Variants in AVL9 observed in about 807,000 individuals in gnomAD.
The protein encoded by AVL9 is AVL9 cell migration associated.
In AVL9, 49 loss-of-function variants were observed where a neutral mutation model predicts 79.2. That is an observed-to-expected ratio of 0.62 (90% confidence interval 0.49 to 0.79). The LOEUF is 0.79. Ranked by LOEUF, AVL9 falls within the 30% of genes least tolerant of loss-of-function variation. AVL9 has a pLI of 0.00. For missense variants in AVL9, 682 were observed against 776.8 expected (o/e 0.88, Z 1.45); for synonymous variants, 299 against 280.6 (o/e 1.07, Z -0.65).
chr7:32,503,332 A>C (rs189028677), intron 1 of AVL9, among the ~76,000 whole-genome samples: 2,595 of 111,698 alleles, frequency 0.023, 54 homozygotes, highest in Non-Finnish European at 0.034. Flanking sequence ...ATATATATAT[A>C]TCTATATATA....
At chr7:32,574,017 T>C (rs907908985) in intron 12 of AVL9, among the ~76,000 whole-genome samples, 1 of 152,180 alleles carries the variant, frequency 6.6e-6, no homozygotes, top group African/African-American at 2.4e-5. Context: ...ATAGTGAAAA[T>C]GGAGCTCTGC....
intron 1 of AVL9, among the ~76,000 whole-genome samples, chr7:32,506,308 A>G (rs1441285229): frequency 1.3e-5 from 2 of 152,192 alleles, no homozygotes; most frequent in African/African-American, 4.8e-5. Context: ...TGCCAACATC[A>G]CTACTCTTGG....
At chr7:32,524,591 G>GATATAATTATATCTAAACTAGAT (rs374274914) in intron 1 of AVL9, among the ~76,000 whole-genome samples, 35,846 of 151,622 alleles carry the variant, frequency 0.24, 4,882 homozygotes, top group Admixed American at 0.34. Flanking sequence ...ATATCTAACT[G>GATATAATTATATCTAAACTAGAT]AGGGATGTTT....
intron 1 of AVL9, among the ~76,000 whole-genome samples, chr7:32,519,427 C>CAAA (rs60258831): frequency 1.6e-5 from 2 of 124,852 alleles, no homozygotes; most frequent in South Asian, 2.7e-4. Flanking sequence ...GACTCTGTCC[C>CAAA]AAAAAAAAAA....
intron 1 of AVL9, among the ~76,000 whole-genome samples, chr7:32,498,510 A>G (rs1018703010): frequency 6.6e-6 from 1 of 152,128 alleles, no homozygotes; most frequent in African/African-American, 2.4e-5. Context: ...TTGGCCTCCC[A>G]AAGTACTGGG....
chr7:32,498,279 T>A (rs1265282503), intron 1 of AVL9, among the ~76,000 whole-genome samples: 1 of 146,696 alleles, frequency 6.8e-6, no homozygotes, highest in Admixed American at 6.9e-5. Context: ...AGTCTTGTTC[T>A]GTCACCCAGG....
rs34422070 is a variant in AVL9, at chr7:32,586,472, C to CCCCACA, written c.*2566_*2567insCCACAC. 2.1e-5 allele frequency: 3 copies of CCCCACA among 143,066 alleles called. No individual in the cohort carries two copies. The highest frequency in any genetic ancestry group is 2.2e-4 in the South Asian group (1 of 4,548). 8.9% of individuals were successfully genotyped at this position (143,066 alleles called of 1,614,324 possible). A position where few individuals can be genotyped will look rare whatever the true frequency, so the allele number is the denominator to read the frequency against. On this transcript the variant is annotated 3_prime_UTR_variant, in exon 16 of 16. Coordinates refer to ENST00000318709, the MANE Select transcript of AVL9 (RefSeq NM_015060.3). The stretch of plus-strand genomic sequence containing the variant: ...CCCCTGGTCCTGTGACCCCCCCCCC[C>CCCCACA]CACACACACACATACTTCAGGCTTG...
Position 32,573,206 on chromosome 7 carries a change from A to C in AVL9, c.1358A>C (p.Glu453Ala), listed in dbSNP as rs371255356. 85 of 1,613,904 alleles carry C rather than the reference A, an allele frequency of 5.3e-5. No homozygotes were observed. The highest frequency in any genetic ancestry group is 1.6e-4 in the Middle Eastern group (1 of 6,062). Residue 453 changes from glutamate (E) to alanine (A), a missense_variant, in exon 12 of 16, where the codon GAA (glutamate) becomes GCA (alanine). Glu to Ala is a moderately radical substitution (Grantham distance 107, BLOSUM62 -1). Coordinates refer to ENST00000318709, the MANE Select transcript of AVL9 (RefSeq NM_015060.3). Reference sequence around the variant, plus strand: ...TACCTGGATACCCTCTAGGTAGAAGAAGCTCTGATCCAGATCCATGATCCA... The same window carrying C: ...TACCTGGATACCCTCTAGGTAGAAGCAGCTCTGATCCAGATCCATGATCCA... Reference protein sequence around the residue: ...HLSDAIVEVEEALIQIHDPEL... With the variant: ...HLSDAIVEVEAALIQIHDPEL...
chr7:32,576,305 G>A (rs528425463), intron 13 of AVL9, among the ~76,000 whole-genome samples: 9 of 152,226 alleles, frequency 5.9e-5, no homozygotes, highest in South Asian at 2.1e-4. Context: ...CCTGGCTCTC[G>A]ATGTGATTCA....
chr7:32,496,308 G>A (rs9655340), intron 1 of AVL9, among the ~76,000 whole-genome samples: 22,756 of 152,198 alleles, frequency 0.15, 1,720 homozygotes, highest in East Asian at 0.19. Flanking sequence ...TCTGATGGAA[G>A]CCTTGGAATC....
intron 1 of AVL9, among the ~76,000 whole-genome samples, chr7:32,524,644 C>G (rs1788324253): frequency 6.6e-6 from 1 of 151,110 alleles, no homozygotes; most frequent in Non-Finnish European, 1.5e-5. Context: ...TAAATCTGCT[C>G]TTTGAGAAAT....
rs1786767252 is a variant in AVL9 at position 32,495,743 on chromosome 7, C to T, written c.34C>T (p.Pro12Ser). Residue 12 changes from proline (P) to serine (S), a missense_variant, in exon 1 of 16, where the codon CCC becomes TCC. Pro to Ser is a moderately conservative substitution (Grantham distance 74). Transcript: ENST00000318709. ...GGCCAGGAGAGGCGGGGATGGCGTCCCCCGGGGGCCCGTACTGCACATCGT... is the reference window on the plus strand; with the variant it reads ...GGCCAGGAGAGGCGGGGATGGCGTCTCCCGGGGGCCCGTACTGCACATCGT... The part of the protein sequence containing the change: ...EKARRGGDGV[P>S]RGPVLHIVVV... The T allele has an allele frequency of 1.4e-5, 18 of 1,260,004 alleles. No individual in the cohort carries two copies. The highest frequency in any genetic ancestry group is 1.8e-5 in the Non-Finnish European group (18 of 992,440). 78.1% of individuals were successfully genotyped at this position (1,260,004 alleles called of 1,614,324 possible).
intron 3 of AVL9, among the ~76,000 whole-genome samples, chr7:32,545,345 C>A (rs6946390): frequency 7.9e-5 from 11 of 138,588 alleles, no homozygotes; most frequent in African/African-American, 2.4e-4. Context: ...ATAAGCTGTC[C>A]TATTTATCTC....
At position 32,573,298 on chromosome 7, in the gene AVL9, G is replaced by GTGACTGAGAATCGGGA; in HGVS notation, c.1455_1470dup (p.Val491Ter). 6.2e-7 allele frequency: 1 copy of GTGACTGAGAATCGGGA among 1,613,856 alleles called. No individual in the cohort carries two copies. Among genetic ancestry groups the GTGACTGAGAATCGGGA allele is most frequent in the East Asian group, 2.2e-5 (1 of 44,880 alleles). On this transcript the variant is annotated frameshift_variant, in exon 12 of 16. Transcript: ENST00000318709. LOFTEE classifies it high-confidence loss of function. ...GTTCGCAGACTACCTAGTGAGGCAC[G>GTGACTGAGAATCGGGA]TGACTGAGAATCGGGATGACGTCTT...
chr7:32,574,002 T>C (rs912623937), intron 12 of AVL9, among the ~76,000 whole-genome samples: 1 of 152,194 alleles, frequency 6.6e-6, no homozygotes, highest in African/African-American at 2.4e-5. Context: ...GAAAGAAATA[T>C]ATAAATAGTG....
intron 11 of AVL9, 42 bp from the exon 12 acceptor site, chr7:32,573,157 C>T (rs368257318): frequency 1.2e-5 from 18 of 1,516,104 alleles, no homozygotes; most frequent in Non-Finnish European, 1.6e-5. Context: ...TGGATGTCTG[C>T]GTGAATGCCC....
Position 32,528,972 on chromosome 7 carries a change from T to C in AVL9, c.94-14169T>C, listed in dbSNP as rs1332724695. Among the ~76,000 whole-genome samples, 2 of 152,186 alleles carry C rather than the reference T, an allele frequency of 1.3e-5. 1 individual carries two copies. The highest frequency in any genetic ancestry group is 2.9e-5 in the Non-Finnish European group (2 of 68,032). On this transcript the variant is annotated intron_variant, in intron 1 of 15. Transcript: ENST00000318709. ...CTGCAGTGAGCCAAGATCGCGCCAC[T>C]GCACTCCAGCCTGGGTGACAGAGCG...
At chr7:32,551,232 A>G in intron 4 of AVL9, 102 bp from the exon 5 acceptor site, 1 of 754,074 alleles carries the variant, frequency 1.3e-6, no homozygotes, top group Non-Finnish European at 2.2e-6. Flanking sequence ...TTTTTCTCCA[A>G]ATTAAAAAGT....
intron 1 of AVL9, among the ~76,000 whole-genome samples, chr7:32,528,187 C>T (rs185585056): frequency 6.6e-6 from 1 of 152,080 alleles, no homozygotes; most frequent in African/African-American, 2.4e-5. Flanking sequence ...CTGACACCTA[C>T]CCCTACCCCA....
Sources: allele counts gnomAD v4.1 joint callset (sites outside exome capture counted in the v4.1 genomes callset), GRCh38; gene constraint gnomAD v4.1.1; transcripts MANE v1.5; gene names NCBI Gene and HGNC (gene_info 2026-07-23, HGNC 2026-07-21).